PHKB: variants seen among roughly 807,000 people sequenced by gnomAD.
PHKB encodes the protein phosphorylase b kinase regulatory subunit beta.
In PHKB, 122 loss-of-function variants were observed where a neutral mutation model predicts 152.1. The observed-to-expected ratio is 0.80, with a 90% CI of 0.69 to 0.93. The LOEUF is 0.93. PHKB is among the 40% of genes least tolerant of loss of function. The pLI, the probability that PHKB is intolerant of heterozygous loss-of-function variation, is 0.00. For missense variants in PHKB, 1,304 were observed against 1,328.4 expected (o/e 0.98, Z 0.29); for synonymous variants, 436 against 464.9 (o/e 0.94, Z 0.80).
intron 6 of PHKB, among the ~76,000 whole-genome samples, chr16:47,542,599 C>G (rs1156344528): frequency 6.6e-6 from 1 of 152,124 alleles, no homozygotes; most frequent in African/African-American, 2.4e-5. Flanking sequence ...GCAGTATGGC[C>G]GTTTTCACAA....
At chr16:47,466,766 A>T (rs1969676082) in intron 1 of PHKB, among the ~76,000 whole-genome samples, 1 of 152,100 alleles carries the variant, frequency 6.6e-6, no homozygotes, top group Non-Finnish European at 1.5e-5. Flanking sequence ...TGTTTTTTTT[A>T]AGGAATTTAT....
At chr16:47,674,968 A>G (rs754888528) in intron 26 of PHKB, among the ~76,000 whole-genome samples, 1 of 152,170 alleles carries the variant, frequency 6.6e-6, no homozygotes, top group African/African-American at 2.4e-5. Context: ...TTTTATTCCC[A>G]TTTCTGCCAG....
At chr16:47,530,152 T>C (rs920758012) in intron 6 of PHKB, among the ~76,000 whole-genome samples, 18 of 149,106 alleles carry the variant, frequency 1.2e-4, no homozygotes, top group East Asian at 3.9e-4. Context: ...TTTTTTTTTT[T>C]CCAGACAGAG....
chr16:47,644,673 C>G (rs1010078231), intron 16 of PHKB, among the ~76,000 whole-genome samples: 7 of 151,854 alleles, frequency 4.6e-5, no homozygotes, highest in African/African-American at 1.7e-4. Context: ...GCAGACAGAT[C>G]AAAAATTGAA....
At chr16:47,628,640 C>T (rs1041454227) in intron 14 of PHKB, among the ~76,000 whole-genome samples, 2 of 152,112 alleles carry the variant, frequency 1.3e-5, no homozygotes, top group East Asian at 3.8e-4. Flanking sequence ...AAAAGGCAGT[C>T]GTTTTTATAT....
At chr16:47,683,050 G>A (rs1597177890) in intron 26 of PHKB, among the ~76,000 whole-genome samples, 1 of 152,206 alleles carries the variant, frequency 6.6e-6, no homozygotes, top group Admixed American at 6.5e-5. Flanking sequence ...CTTTGCCTGG[G>A]TATCAGCAGC....
In PHKB at chr16:47,680,152, G is replaced by A. The variant is rs529768676; in HGVS notation, c.2631-8889G>A. ...TCATGGTTGATAGGCTTTTTGATGT[G>A]TTGCTGGATTCAGTTTGCCAGTATT... is the stretch of plus-strand genomic sequence containing the variant. On this transcript the variant is annotated intron_variant, in intron 26 of 30. Coordinates refer to ENST00000323584, the MANE Select transcript of PHKB (RefSeq NM_000293.3). Among the ~76,000 whole-genome samples the A allele has an allele frequency of 4.6e-5, 7 of 152,296 alleles. No individual in the cohort carries two copies. The South Asian group carries it at 1.5e-3, about 32-fold the overall frequency.
chr16:47,541,494 T>C (rs953112054), intron 6 of PHKB, among the ~76,000 whole-genome samples: 7 of 152,218 alleles, frequency 4.6e-5, no homozygotes, highest in Non-Finnish European at 8.8e-5. Flanking sequence ...TGATTTATAA[T>C]CCTTTGGGAA....
rs1461616397 is a variant in PHKB, at chr16:47,647,081, C to T, written c.1609-1452C>T. On this transcript the variant is annotated intron_variant, in intron 16 of 30. Transcript: ENST00000323584. ...CCCTATTTTGTAATACTTCTGCAGA[C>T]TTTCCCCCTCAGTTTTTATTTATTT... Among the ~76,000 whole-genome samples, 3 of 151,798 alleles carry T rather than the reference C, an allele frequency of 2.0e-5. No homozygotes were observed. The East Asian group carries it at 5.8e-4, about 29-fold the overall frequency.
At position 47,498,175 on chromosome 16, in the gene PHKB, T is replaced by G. The variant is rs16945386; in HGVS notation, c.166+687T>G. Among the ~76,000 whole-genome samples the G allele has an allele frequency of 5.0e-4, 76 of 152,348 alleles. No homozygotes were observed. In the East Asian group the frequency reaches 8.3e-3, roughly 17 times the overall value. On this transcript the variant is annotated intron_variant, in intron 2 of 30. Transcript: ENST00000323584. The stretch of plus-strand genomic sequence containing the variant: ...GATGGATTTTTTGGTCTATTTCAAC[T>G]TCATATGAAACTTCAATCTTACTTC...
chr16:47,527,319 AATAAAG>A (rs1970785447), intron 6 of PHKB, among the ~76,000 whole-genome samples: 1 of 152,188 alleles, frequency 6.6e-6, no homozygotes, highest in Admixed American at 6.5e-5. Context: ...GGAAGAAAGT[AATAAAG>A]ATAAATATAG....
intron 7 of PHKB, among the ~76,000 whole-genome samples, chr16:47,552,666 G>A (rs901143581): frequency 3.3e-5 from 5 of 151,984 alleles, no homozygotes; most frequent in Non-Finnish European, 5.9e-5. Context: ...AAAATTAGCC[G>A]AGTGTGGTGG....
chr16:47,463,902 A>G, intron 1 of PHKB: 1 of 1,613,188 alleles, frequency 6.2e-7, no homozygotes, highest in Non-Finnish European at 8.5e-7. Flanking sequence ...GCTATAGCTT[A>G]GCCTGCGACG....
At chr16:47,518,941 G>A (rs1043997257) in intron 6 of PHKB, among the ~76,000 whole-genome samples, 1 of 152,134 alleles carries the variant, frequency 6.6e-6, no homozygotes, top group Non-Finnish European at 1.5e-5. Flanking sequence ...AAATAAGAAA[G>A]AAATCATTTA....
At chr16:47,479,991 G>A (rs938061452) in intron 1 of PHKB, among the ~76,000 whole-genome samples, 1 of 152,148 alleles carries the variant, frequency 6.6e-6, no homozygotes, top group East Asian at 1.9e-4. Context: ...GGCCATTGCT[G>A]TACATTGCTA....
chr16:47,499,716 T>C, intron 2 of PHKB, 40 bp from the exon 3 acceptor site: 2 of 1,613,280 alleles, frequency 1.2e-6, no homozygotes, highest in South Asian at 2.2e-5. Context: ...GGAAAGTCGC[T>C]GACTGTACAG....
chr16:47,522,844 T>A (rs1970707932), intron 6 of PHKB, among the ~76,000 whole-genome samples: 1 of 152,068 alleles, frequency 6.6e-6, no homozygotes, highest in African/African-American at 2.4e-5. Context: ...TGTGAATTTT[T>A]AAATTTCTTT....
chr16:47,691,618 T>A (rs1477327512), intron 27 of PHKB, among the ~76,000 whole-genome samples: 1 of 151,006 alleles, frequency 6.6e-6, no homozygotes, highest in African/African-American at 2.4e-5. Context: ...CATGGGAGGA[T>A]CACCTGAACC....
chr16:47,562,507 A>T (rs1971493279), intron 7 of PHKB: 1 of 152,152 alleles, frequency 6.6e-6, no homozygotes, highest in South Asian at 2.1e-4. Context: ...TAAGATCAGC[A>T]CCCTCCAGTG....
Sources: gnomAD v4.1 joint callset for allele counts (sites outside exome capture counted in the v4.1 genomes callset) on GRCh38, gnomAD v4.1.1 for gene constraint, MANE v1.5 for transcripts, NCBI Gene and HGNC (gene_info 2026-07-23, HGNC 2026-07-21) for gene names.